CTNNA3: variants seen among roughly 807,000 people sequenced by gnomAD.
The protein encoded by CTNNA3 is catenin alpha-3.
Under a neutral mutation model 95.7 loss-of-function variants are expected in CTNNA3, and 76 were observed. The observed-to-expected ratio is 0.79, with a 90% CI of 0.66 to 0.96. The LOEUF (loss-of-function observed/expected upper bound fraction) is 0.96, where lower values mean the gene tolerates loss of function less well. CTNNA3 is among the 40% of genes least tolerant of loss of function. The pLI, the probability that CTNNA3 is intolerant of heterozygous loss-of-function variation, is 0.00. For synonymous variants in CTNNA3, 431 were observed against 374.4 expected (o/e 1.15, Z -1.74); for missense variants, 1,191 against 1,089.8 (o/e 1.09, Z -1.31).
intron 10 of CTNNA3, among the ~76,000 whole-genome samples, chr10:66,537,062 A>G (rs1297631166): frequency 6.6e-6 from 1 of 151,738 alleles, no homozygotes; most frequent in African/African-American, 2.4e-5. Flanking sequence ...AAAAAAAAAA[A>G]GACTTACATA....
At chr10:66,970,519 T>C (rs1849664537) in intron 7 of CTNNA3, among the ~76,000 whole-genome samples, 1 of 149,872 alleles carries the variant, frequency 6.7e-6, no homozygotes, top group South Asian at 2.1e-4. Flanking sequence ...GGGATACAAT[T>C]CTTCTATTAG....
At chr10:66,523,036 A>G (rs1485051824) in intron 10 of CTNNA3, among the ~76,000 whole-genome samples, 1 of 152,128 alleles carries the variant, frequency 6.6e-6, no homozygotes, top group Non-Finnish European at 1.5e-5. Context: ...CTTTTCTACA[A>G]AAGAGGAACA....
chr10:67,523,399 C>G lies in CTNNA3; in HGVS notation c.460-1438G>C, dbSNP rs1840042714. Among the ~76,000 whole-genome samples the G allele has an allele frequency of 3.3e-5, 5 of 152,176 alleles. No individual in the cohort carries two copies. In the South Asian group the frequency reaches 1.0e-3, roughly 32 times the overall value. ...CTTTCCAATTTAATCTTCACAAGAACCACAGGAGTTCCTATTTCTCTTCTC... is the reference window on the plus strand; with the variant it reads ...CTTTCCAATTTAATCTTCACAAGAAGCACAGGAGTTCCTATTTCTCTTCTC... On this transcript the variant is annotated intron_variant, in intron 4 of 17. Coordinates refer to ENST00000433211, the MANE Select transcript of CTNNA3 (RefSeq NM_013266.4).
At chr10:67,058,410 A>T (rs1387587868) in intron 7 of CTNNA3, among the ~76,000 whole-genome samples, 2 of 152,352 alleles carry the variant, frequency 1.3e-5, no homozygotes, top group East Asian at 3.9e-4. Context: ...CACCACAGGT[A>T]CAATTTCTGG....
chr10:67,341,053 T>A (rs919351239), intron 5 of CTNNA3, among the ~76,000 whole-genome samples: 1 of 152,186 alleles, frequency 6.6e-6, no homozygotes, highest in Non-Finnish European at 1.5e-5. Flanking sequence ...TTTTTCAATT[T>A]TTAATTTTTG....
chr10:66,731,214 A>G (rs72800781), intron 9 of CTNNA3, among the ~76,000 whole-genome samples: 2 of 152,334 alleles, frequency 1.3e-5, no homozygotes, highest in Non-Finnish European at 2.9e-5. Flanking sequence ...ATTTAAATTC[A>G]CTACTATTCA....
At chr10:67,230,472 T>C (rs149263784) in intron 5 of CTNNA3, among the ~76,000 whole-genome samples, 2,670 of 152,074 alleles carry the variant, frequency 0.018, 81 homozygotes, top group African/African-American at 0.058. Context: ...AGCTTTTGCA[T>C]GGCAAAAGGA....
chr10:67,355,590 A>G (rs1202093730), intron 5 of CTNNA3, among the ~76,000 whole-genome samples: 1 of 151,876 alleles, frequency 6.6e-6, no homozygotes, highest in Non-Finnish European at 1.5e-5. Context: ...GTTCTTCATC[A>G]TTCCTGAGTA....
chr10:66,496,766 T>C (rs1435480455), intron 11 of CTNNA3, among the ~76,000 whole-genome samples: 1 of 152,200 alleles, frequency 6.6e-6, no homozygotes, highest in Non-Finnish European at 1.5e-5. Flanking sequence ...GGTATTGTGC[T>C]AGGTCGTTCA....
chr10:65,968,923 G>T (rs1363873645), intron 16 of CTNNA3, among the ~76,000 whole-genome samples: 1 of 152,178 alleles, frequency 6.6e-6, no homozygotes, highest in Non-Finnish European at 1.5e-5. Flanking sequence ...AGGCAAACCT[G>T]CCAGTCTGGA....
chr10:67,030,636 ATTTG>A (rs1853659699), intron 7 of CTNNA3, among the ~76,000 whole-genome samples: 1 of 152,142 alleles, frequency 6.6e-6, no homozygotes. Context: ...AGATCAATAT[ATTTG>A]TTTATCACCA....
chr10:66,855,066 ATAT>A (rs1406910008), intron 7 of CTNNA3, among the ~76,000 whole-genome samples: 1 of 151,972 alleles, frequency 6.6e-6, no homozygotes, highest in African/African-American at 2.4e-5. Flanking sequence ...TATTGTGTCA[ATAT>A]TATATTGAAT....
chr10:66,130,640 C>T (rs1476805529), intron 13 of CTNNA3, among the ~76,000 whole-genome samples: 1 of 151,708 alleles, frequency 6.6e-6, no homozygotes, highest in Non-Finnish European at 1.5e-5. Flanking sequence ...GTCTCGAGTT[C>T]GAGACCATCC....
intron 17 of CTNNA3, among the ~76,000 whole-genome samples, chr10:65,949,356 T>A (rs1276496919): frequency 6.6e-6 from 1 of 152,220 alleles, no homozygotes; most frequent in Non-Finnish European, 1.5e-5. Context: ...AGTTTACTTG[T>A]AGCACTGTTG....
intron 7 of CTNNA3, among the ~76,000 whole-genome samples, chr10:66,961,686 T>G (rs1849116104): frequency 6.6e-6 from 1 of 152,186 alleles, no homozygotes; most frequent in African/African-American, 2.4e-5. Flanking sequence ...GAATTCTAGA[T>G]TTGTATATCC....
At chr10:67,130,752 A>C (rs1043496935) in intron 7 of CTNNA3, among the ~76,000 whole-genome samples, 1 of 152,064 alleles carries the variant, frequency 6.6e-6, no homozygotes, top group African/African-American at 2.4e-5. Flanking sequence ...TGGAGCATCA[A>C]TGGGTCCTGG....
intron 7 of CTNNA3, among the ~76,000 whole-genome samples, chr10:67,095,985 C>T (rs1857966699): frequency 6.6e-6 from 1 of 151,734 alleles, no homozygotes; most frequent in Non-Finnish European, 1.5e-5. Flanking sequence ...ATCTTTCAGT[C>T]GCCTTGACCA....
chr10:66,185,605 A>T (rs2086293326), intron 13 of CTNNA3, among the ~76,000 whole-genome samples: 1 of 151,976 alleles, frequency 6.6e-6, no homozygotes, highest in South Asian at 2.1e-4. Context: ...TCCTACGCAA[A>T]ATTTGTCTAA....
intron 5 of CTNNA3, among the ~76,000 whole-genome samples, chr10:67,400,209 A>T (rs1411339993): frequency 6.6e-6 from 1 of 152,186 alleles, no homozygotes; most frequent in Non-Finnish European, 1.5e-5. Flanking sequence ...AGATGCCAAT[A>T]AGAATTTTAC....
Sources: gnomAD v4.1 joint callset for allele counts (sites outside exome capture counted in the v4.1 genomes callset) on GRCh38, gnomAD v4.1.1 for gene constraint, MANE v1.5 for transcripts, NCBI Gene and HGNC (gene_info 2026-07-23, HGNC 2026-07-21) for gene names.